Variants in ANO3 observed in about 807,000 individuals in gnomAD.
ANO3 encodes anoctamin-3.
In ANO3, 99 loss-of-function variants were observed where a neutral mutation model predicts 144.8. That is an observed-to-expected ratio of 0.68 (90% CI 0.58 to 0.81). The LOEUF is 0.81. ANO3 is among the 30% of genes least tolerant of loss of function. ANO3 has a pLI of 0.00. For missense variants in ANO3, 905 were observed against 1,202.2 expected, an observed-to-expected ratio of 0.75 and a Z score of 3.66; for synonymous variants, 414 against 392.6, an observed-to-expected ratio of 1.05 and a Z score of -0.64.
intron 1 of ANO3, among the ~76,000 whole-genome samples, chr11:26,409,795 A>G (rs1857383793): frequency 6.6e-6 from 1 of 151,976 alleles, no homozygotes; most frequent in Admixed American, 6.6e-5. Context: ...AAGTGATGTG[A>G]CATCCTCCTT....
intron 4 of ANO3, among the ~76,000 whole-genome samples, chr11:26,481,327 AGAGAG>A (rs1860207463): frequency 6.6e-6 from 1 of 152,178 alleles, no homozygotes; most frequent in Admixed American, 6.5e-5. Flanking sequence ...GAGGAGAGCA[AGAGAG>A]GAGAGAGATC....
At chr11:26,606,858 T>TAGTG (rs1851951159) in intron 17 of ANO3, among the ~76,000 whole-genome samples, 1 of 152,228 alleles carries the variant, frequency 6.6e-6, no homozygotes, top group Non-Finnish European at 1.5e-5. Flanking sequence ...AGTTTCTTCA[T>TAGTG]AGTGTCATTG....
chr11:26,325,821 C>T (rs1338935542), intron 1 of ANO3, among the ~76,000 whole-genome samples: 1 of 152,132 alleles, frequency 6.6e-6, no homozygotes, highest in South Asian at 2.1e-4. Flanking sequence ...AGCCAGAGTG[C>T]GTGAAATTCT....
At chr11:26,436,126 G>A (rs973688265) in intron 1 of ANO3, among the ~76,000 whole-genome samples, 1 of 152,162 alleles carries the variant, frequency 6.6e-6, no homozygotes, top group Non-Finnish European at 1.5e-5. Context: ...GGAGAAGCGA[G>A]GACTGGGATC....
At chr11:26,312,513 C>G (rs1854523429) in intron 1 of ANO3, among the ~76,000 whole-genome samples, 1 of 152,156 alleles carries the variant, frequency 6.6e-6, no homozygotes, top group African/African-American at 2.4e-5. Context: ...CCTGTTGTTT[C>G]TTGACTTTTT....
intron 1 of ANO3, among the ~76,000 whole-genome samples, chr11:26,193,193 G>A (rs1413623253): frequency 1.4e-5 from 2 of 139,646 alleles, no homozygotes; most frequent in Non-Finnish European, 3.0e-5. Context: ...CCAGGCTGGA[G>A]TGCAATGGCG....
intron 1 of ANO3, among the ~76,000 whole-genome samples, chr11:26,228,727 G>A (rs1223374484): frequency 2.0e-5 from 3 of 152,150 alleles, no homozygotes; most frequent in Admixed American, 6.5e-5. Flanking sequence ...TCCTTATGTT[G>A]GTAATTAGAT....
chr11:26,321,985 C>A (rs1378572670), intron 1 of ANO3, among the ~76,000 whole-genome samples: 1 of 151,948 alleles, frequency 6.6e-6, no homozygotes, highest in Non-Finnish European at 1.5e-5. Flanking sequence ...TTCATGGTTC[C>A]ATTCCTCAAG....
intron 6 of ANO3, among the ~76,000 whole-genome samples, chr11:26,522,693 G>C (rs1399606828): frequency 6.6e-6 from 1 of 152,058 alleles, no homozygotes; most frequent in Non-Finnish European, 1.5e-5. Flanking sequence ...TTGCTTCCTG[G>C]ATCAAAGATA....
chr11:26,642,004 A>G lies in ANO3; in HGVS notation c.2250A>G (p.Gly750=). 1.9e-6 allele frequency: 3 copies of G among 1,613,836 alleles called. No homozygotes were observed. Among genetic ancestry groups the G allele is most frequent in the Non-Finnish European group, 2.5e-6 (3 of 1,179,842 alleles). Residue 750 remains glycine, a synonymous_variant, in exon 22 of 27, where the codon GGA becomes GGG. Transcript: ENST00000256737. ...DWNLQPMNLH[G]LMDEYLEMVL... is the part of the protein sequence containing the mutation. ...ATCTGCAGCCCATGAACCTTCATGG[A>G]CTGATGGATGAGTACTTAGAAATGG...
At chr11:26,352,049 C>T (rs1158228145) in intron 1 of ANO3, among the ~76,000 whole-genome samples, 1 of 152,142 alleles carries the variant, frequency 6.6e-6, no homozygotes, top group Non-Finnish European at 1.5e-5. Flanking sequence ...CTGGGCTTAC[C>T]TCGATGCAGT....
At chr11:26,312,143 T>C (rs1467798708) in intron 1 of ANO3, among the ~76,000 whole-genome samples, 2 of 152,212 alleles carry the variant, frequency 1.3e-5, no homozygotes, top group African/African-American at 2.4e-5. Context: ...TGGTTTCCAG[T>C]TTCATCCATG....
chr11:26,317,855 AC>A (rs1254824190), intron 1 of ANO3, among the ~76,000 whole-genome samples: 2 of 152,186 alleles, frequency 1.3e-5, no homozygotes, highest in African/African-American at 4.8e-5. Flanking sequence ...CTTGGAACCA[AC>A]CCAAATGCCC....
chr11:26,197,725 T>C lies in ANO3; in HGVS notation c.154+8395T>C, dbSNP rs574734160. Among the ~76,000 whole-genome samples the C allele has an allele frequency of 3.3e-5, 5 of 152,268 alleles. No homozygotes were observed. In the South Asian group the frequency reaches 1.0e-3, roughly 32 times the overall value. ...AACGTCTCTTCCAGGGTTTACTTCA[T>C]GGTCCTAAGTCATACTACCTCTTTA... is the stretch of plus-strand genomic sequence containing the variant. On this transcript the variant is annotated intron_variant, in intron 1 of 27. Coordinates refer to the ANO3 transcript ENST00000672621.
intron 17 of ANO3, among the ~76,000 whole-genome samples, chr11:26,615,412 ATATT>A (rs914880765): frequency 1.2e-4 from 13 of 105,008 alleles, no homozygotes; most frequent in Non-Finnish European, 1.5e-4. Flanking sequence ...ATATATATAT[ATATT>A]TTTTTTTTTT....
At chr11:26,640,667 A>G (rs1041734422) in intron 21 of ANO3, among the ~76,000 whole-genome samples, 1 of 152,134 alleles carries the variant, frequency 6.6e-6, no homozygotes, top group East Asian at 1.9e-4. Flanking sequence ...GGACATTTTC[A>G]TTATGGCCTT....
chr11:26,388,587 A>G (rs1359303099), intron 1 of ANO3, among the ~76,000 whole-genome samples: 1 of 152,178 alleles, frequency 6.6e-6, no homozygotes, highest in Non-Finnish European at 1.5e-5. Flanking sequence ...AGCCTTTACA[A>G]TATACGTATG....
At chr11:26,191,500 T>C (rs1408864523) in intron 1 of ANO3, among the ~76,000 whole-genome samples, 4 of 152,102 alleles carry the variant, frequency 2.6e-5, no homozygotes, top group Non-Finnish European at 4.4e-5. Context: ...CTCCTGCCCA[T>C]GGATGGCTAG....
intron 4 of ANO3, among the ~76,000 whole-genome samples, chr11:26,503,310 G>A (rs2134127891): frequency 6.6e-6 from 1 of 152,144 alleles, no homozygotes; most frequent in East Asian, 1.9e-4. Flanking sequence ...TTTTATGTTT[G>A]GACAACTGTT....
Sources: gnomAD v4.1 joint callset for allele counts (sites outside exome capture counted in the v4.1 genomes callset) on GRCh38, gnomAD v4.1.1 for gene constraint, MANE v1.5 for transcripts, NCBI Gene and HGNC (gene_info 2026-07-23, HGNC 2026-07-21) for gene names.